CCSER2: variants seen among roughly 807,000 people sequenced by gnomAD.
CCSER2 encodes serine-rich coiled-coil domain-containing protein 2.
In CCSER2, 46 loss-of-function variants were observed where a neutral mutation model predicts 92.3. The ratio of observed to expected loss-of-function variants is 0.50; its 90% CI spans 0.39 to 0.64. The LOEUF is 0.64. Ranked by LOEUF, CCSER2 falls within the 30% of genes least tolerant of loss-of-function variation. CCSER2 has a pLI of 0.00. For synonymous variants in CCSER2, 433 were observed against 431.4 expected, an observed-to-expected ratio of 1.00 and a Z score of -0.04; for missense variants, 1,244 against 1,238.9, an observed-to-expected ratio of 1.00 and a Z score of -0.06.
intron 3 of CCSER2, among the ~76,000 whole-genome samples, chr10:84,416,491 GTTTTTC>G (rs1200218727): frequency 9.9e-5 from 15 of 152,230 alleles, no homozygotes; most frequent in African/African-American, 3.6e-4. Flanking sequence ...CAGAGATTTT[GTTTTTC>G]AAATAATTTT....
At chr10:84,363,882 A>G (rs1481240975) in intron 1 of CCSER2, among the ~76,000 whole-genome samples, 2 of 152,190 alleles carry the variant, frequency 1.3e-5, no homozygotes, top group East Asian at 1.9e-4. Context: ...TGAACATCAT[A>G]GAGTATACTT....
intron 9 of CCSER2, among the ~76,000 whole-genome samples, chr10:84,483,747 T>C (rs1217698200): frequency 6.6e-6 from 1 of 150,960 alleles, no homozygotes; most frequent in Non-Finnish European, 1.5e-5. Flanking sequence ...GCAAAATTAT[T>C]GGTTAATTTT....
Position 84,514,075 on chromosome 10 carries a change from C to G in CCSER2, c.2952C>G (p.Pro984=). 6.5e-7 allele frequency: 1 copy of G among 1,536,250 alleles called. No homozygotes were observed. The highest frequency in any genetic ancestry group is 8.7e-7 in the Non-Finnish European group (1 of 1,146,940). ...TGAAAGCATCTAAGCTCCGCCCCCC[C>G]TCAGGCTCTTTCAAACAAAAACAAA... The part of the protein sequence containing the change: ...QNLKASKLRP[P]SGSFKQKQTN... The change falls in exon 10 of 10, where the codon CCC becomes CCG. Residue 984 remains proline (P), a synonymous_variant. Transcript: ENST00000372088.
At chr10:84,416,737 G>C (rs1424757406) in intron 3 of CCSER2, among the ~76,000 whole-genome samples, 3 of 152,036 alleles carry the variant, frequency 2.0e-5, no homozygotes, top group Non-Finnish European at 4.4e-5. Context: ...GACCATCCTG[G>C]CCAACACAGT....
chr10:84,357,307 A>G (rs1480993294), intron 1 of CCSER2, among the ~76,000 whole-genome samples: 3 of 152,184 alleles, frequency 2.0e-5, no homozygotes, highest in Non-Finnish European at 2.9e-5. Context: ...AACCTTTACA[A>G]TTAGTCGAAT....
At chr10:84,469,283 C>T (rs1056470321) in intron 7 of CCSER2, among the ~76,000 whole-genome samples, 2 of 152,008 alleles carry the variant, frequency 1.3e-5, no homozygotes, top group South Asian at 2.1e-4. Flanking sequence ...ATCTGCAATC[C>T]ATCTTTTTTG....
At chr10:84,412,637 A>G (rs1260971077) in intron 3 of CCSER2, among the ~76,000 whole-genome samples, 1 of 152,164 alleles carries the variant, frequency 6.6e-6, no homozygotes. Context: ...CCAGGGGGCC[A>G]TTGTGAATGT....
chr10:84,367,480 G>C (rs1257384539), intron 1 of CCSER2, among the ~76,000 whole-genome samples: 2 of 151,276 alleles, frequency 1.3e-5, no homozygotes, highest in Non-Finnish European at 2.9e-5. Context: ...GGGCTCAGTT[G>C]ATCTTCCCGC....
chr10:84,359,011 G>T (rs1378585504), intron 1 of CCSER2, among the ~76,000 whole-genome samples: 1 of 152,106 alleles, frequency 6.6e-6, no homozygotes, highest in African/African-American at 2.4e-5. Flanking sequence ...CCTGGTCCTA[G>T]GACCCTGCTT....
chr10:84,483,171 T>A (rs985997544), intron 9 of CCSER2, among the ~76,000 whole-genome samples: 1 of 152,156 alleles, frequency 6.6e-6, no homozygotes, highest in Non-Finnish European at 1.5e-5. Context: ...GGCGGGTGGA[T>A]CACCGGAGGC....
chr10:84,339,842 T>C (rs985940255), intron 1 of CCSER2, among the ~76,000 whole-genome samples: 11 of 151,498 alleles, frequency 7.3e-5, no homozygotes, highest in South Asian at 2.1e-4. Flanking sequence ...TTATCTTTTT[T>C]ATTTTTTTAT....
Position 84,425,811 on chromosome 10 carries a change from C to T in CCSER2, c.1786C>T (p.Pro596Ser), listed in dbSNP as rs770762144. The T allele has an allele frequency of 4.3e-6, 7 of 1,613,438 alleles. No homozygotes were observed. Among genetic ancestry groups the T allele is most frequent in the Admixed American group, 3.3e-5 (2 of 59,962 alleles). ...TCAGGAAGGTTTTTGGAAAAGGCCA[C>T]CCCAGAGGTGGAGTGGACAGGAGCA... ...QPQEGFWKRP[P>S]QRWSGQEHYH... is the part of the protein sequence containing the mutation. The change falls in exon 5 of 10, where the codon CCC becomes TCC. Residue 596 changes from proline (P) to serine (S), a missense_variant. Coordinates refer to ENST00000372088, the MANE Select transcript of CCSER2 (RefSeq NM_001284240.2).
rs1564711644 is a variant in CCSER2, at chr10:84,483,985, ATATATATATATAAT to A, written c.2325+6323_2325+6336del. ...TATATATATATATATATATATATAT[ATATATATATATAAT>A]TTTTTTTTTTTTTTGAGACGGAGTC... is the stretch of plus-strand genomic sequence containing the variant. On this transcript the variant is annotated intron_variant, in intron 9 of 9. Transcript: ENST00000372088. Among the ~76,000 whole-genome samples, 86 of 47,134 alleles carry A rather than the reference ATATATATATATAAT, an allele frequency of 1.8e-3. 1 individual carries two copies. Among genetic ancestry groups the A allele is most frequent in the African/African-American group, 5.6e-3 (82 of 14,766 alleles). The allele number at this position is 47,134 out of a possible 152,430, so 30.9% of individuals were successfully genotyped here. A position where few individuals can be genotyped will look rare whatever the true frequency, so the allele number is the denominator to read the frequency against.
chr10:84,340,212 A>G (rs1348171072), intron 1 of CCSER2, among the ~76,000 whole-genome samples: 1 of 152,174 alleles, frequency 6.6e-6, no homozygotes, highest in Admixed American at 6.5e-5. Flanking sequence ...ACATATGTTC[A>G]TTATGCCTCT....
At chr10:84,398,415 C>G (rs1447256994) in intron 3 of CCSER2, among the ~76,000 whole-genome samples, 3 of 152,180 alleles carry the variant, frequency 2.0e-5, no homozygotes, top group Middle Eastern at 3.2e-3. Context: ...TTCTGCTTAT[C>G]AGGAAAATTA....
At chr10:84,394,551 A>G (rs972373025) in intron 3 of CCSER2, among the ~76,000 whole-genome samples, 1 of 152,058 alleles carries the variant, frequency 6.6e-6, no homozygotes, top group African/African-American at 2.4e-5. Context: ...AACAGCATGT[A>G]CAGCATGAGT....
At chr10:84,509,508 TG>T (rs1849240548) in intron 9 of CCSER2, among the ~76,000 whole-genome samples, 1 of 152,198 alleles carries the variant, frequency 6.6e-6, no homozygotes, top group Non-Finnish European at 1.5e-5. Flanking sequence ...ACAACCCCCC[TG>T]TAGTGCCTAT....
At chr10:84,397,655 G>C (rs914456301) in intron 3 of CCSER2, among the ~76,000 whole-genome samples, 1 of 152,184 alleles carries the variant, frequency 6.6e-6, no homozygotes, top group African/African-American at 2.4e-5. Flanking sequence ...GCCTGTGAAG[G>C]CTGAAGTAAA....
At chr10:84,421,528 C>A (rs1843149393) in intron 4 of CCSER2, among the ~76,000 whole-genome samples, 1 of 152,062 alleles carries the variant, frequency 6.6e-6, no homozygotes, top group Non-Finnish European at 1.5e-5. Flanking sequence ...TCACTATCAC[C>A]AGAACATCAT....
Sources: allele counts gnomAD v4.1 joint callset (sites outside exome capture counted in the v4.1 genomes callset), GRCh38; gene constraint gnomAD v4.1.1; transcripts MANE v1.5; gene names NCBI Gene and HGNC (gene_info 2026-07-23, HGNC 2026-07-21).